Variants in TJP1 observed in about 807,000 individuals in gnomAD.
TJP1 encodes the protein tight junction protein ZO-1.
Under a neutral mutation model 194.2 loss-of-function variants are expected in TJP1, and 43 were observed. The ratio of observed to expected loss-of-function variants is 0.22; its 90% CI spans 0.17 to 0.29. TJP1 has a LOEUF of 0.29. Ranked by LOEUF, TJP1 falls within the 10% of genes least tolerant of loss-of-function variation. The pLI, the probability that TJP1 is intolerant of heterozygous loss-of-function variation, is 1.00. For synonymous variants in TJP1, 801 were observed against 779.0 expected (o/e 1.03, Z -0.47); for missense variants, 1,971 against 2,185.7 (o/e 0.90, Z 1.96).
At chr15:29,887,165 C>G (rs1371831670) in intron 2 of TJP1, among the ~76,000 whole-genome samples, 1 of 151,538 alleles carries the variant, frequency 6.6e-6, no homozygotes, top group Non-Finnish European at 1.5e-5. Context: ...ACAAGAGCCC[C>G]TCACCTGATT....
chr15:29,937,466 C>T (rs1278463956), intron 2 of TJP1, among the ~76,000 whole-genome samples: 1 of 152,116 alleles, frequency 6.6e-6, no homozygotes, highest in Non-Finnish European at 1.5e-5. Context: ...TATATTTTAT[C>T]TTCTGTAATG....
intron 2 of TJP1, among the ~76,000 whole-genome samples, chr15:29,878,474 A>G (rs2052795293): frequency 6.6e-6 from 1 of 152,206 alleles, no homozygotes; most frequent in Non-Finnish European, 1.5e-5. Context: ...AGCAGCTGAT[A>G]TATTCTCAAA....
intron 2 of TJP1, among the ~76,000 whole-genome samples, chr15:29,871,513 C>T (rs2052519957): frequency 1.3e-5 from 2 of 152,238 alleles, no homozygotes; most frequent in Admixed American, 6.5e-5. Context: ...AGCCTTGCTG[C>T]TGCCACCTGC....
intron 2 of TJP1, among the ~76,000 whole-genome samples, chr15:29,909,100 T>C (rs2053928594): frequency 1.4e-5 from 2 of 145,650 alleles, no homozygotes; most frequent in African/African-American, 5.2e-5. Context: ...GAGCTTGCAG[T>C]GAGCCAAGAT....
chr15:29,745,365 T>A (rs961921957), intron 8 of TJP1, among the ~76,000 whole-genome samples: 1 of 149,572 alleles, frequency 6.7e-6, no homozygotes, highest in Non-Finnish European at 1.5e-5. Flanking sequence ...ATTAAGATAA[T>A]TTTAATTACA....
At chr15:29,771,536 T>C (rs557575246) in intron 4 of TJP1, among the ~76,000 whole-genome samples, 7 of 152,296 alleles carry the variant, frequency 4.6e-5, no homozygotes, top group African/African-American at 1.4e-4. Flanking sequence ...CCGGGCGTGG[T>C]GGCTCATGCT....
Position 29,895,091 on chromosome 15 carries a change from G to A in TJP1, c.306+61141C>T, listed in dbSNP as rs146232585. On this transcript the variant is annotated intron_variant, in intron 2 of 28. Coordinates refer to the TJP1 transcript ENST00000356107. ...TGACAGTGGTAGCCCCAATAATCTC[G>A]AAAACGTCTTCAAAGTCATTCTTCC... Among the ~76,000 whole-genome samples the A allele has an allele frequency of 2.7e-3, 406 of 152,240 alleles. 1 individual carries two copies. Among genetic ancestry groups the A allele is most frequent in the Non-Finnish European group, 4.5e-3 (303 of 68,024 alleles).
intron 2 of TJP1, among the ~76,000 whole-genome samples, chr15:29,862,532 C>T (rs2052119347): frequency 6.6e-6 from 1 of 151,956 alleles, no homozygotes; most frequent in African/African-American, 2.4e-5. Context: ...GTGGCAAGAT[C>T]TTAAGTTGAG....
At chr15:29,948,993 C>T (rs1031132204) in intron 2 of TJP1, among the ~76,000 whole-genome samples, 1 of 150,496 alleles carries the variant, frequency 6.6e-6, no homozygotes, top group African/African-American at 2.5e-5. Flanking sequence ...CAACCTACTC[C>T]TTCACCACCA....
chr15:29,730,629 G>A, intron 15 of TJP1: 3 of 630,678 alleles, frequency 4.8e-6, no homozygotes, highest in Non-Finnish European at 8.8e-6. Flanking sequence ...GTGAAGAAGA[G>A]GCGAGAACGA....
At chr15:29,731,956 T>C (rs536423327) in intron 15 of TJP1, among the ~76,000 whole-genome samples, 1 of 152,326 alleles carries the variant, frequency 6.6e-6, no homozygotes, top group South Asian at 2.1e-4. Context: ...TTTATTACCC[T>C]TTTTAACTAT....
chr15:29,950,899 T>C (rs1281823409), intron 2 of TJP1, among the ~76,000 whole-genome samples: 3 of 152,168 alleles, frequency 2.0e-5, no homozygotes, highest in Admixed American at 1.3e-4. Context: ...TCCTTATCTG[T>C]AAAATGAGGC....
intron 2 of TJP1, among the ~76,000 whole-genome samples, chr15:29,830,520 G>A (rs1306002704): frequency 6.7e-6 from 1 of 150,306 alleles, no homozygotes; most frequent in African/African-American, 2.4e-5. Context: ...ATATATTAGT[G>A]TATAATAATG....
At chr15:29,887,250 G>GTA (rs540330893) in intron 2 of TJP1, among the ~76,000 whole-genome samples, 182 of 147,622 alleles carry the variant, frequency 1.2e-3, no homozygotes, top group African/African-American at 4.0e-3. Context: ...AAAATATATT[G>GTA]TATATATATA....
intron 2 of TJP1, among the ~76,000 whole-genome samples, chr15:29,922,550 G>C (rs571573442): frequency 6.6e-6 from 1 of 152,294 alleles, no homozygotes; most frequent in South Asian, 2.1e-4. Context: ...TAAAATTAAA[G>C]TAGAAAGAAA....
chr15:29,782,998 G>A (rs2047466957), intron 2 of TJP1, among the ~76,000 whole-genome samples: 1 of 152,008 alleles, frequency 6.6e-6, no homozygotes, highest in Non-Finnish European at 1.5e-5. Flanking sequence ...GAGCGGCCGG[G>A]CGTGGTGGCT....
intron 2 of TJP1, among the ~76,000 whole-genome samples, chr15:29,949,465 C>A (rs2050834663): frequency 1.6e-5 from 2 of 125,152 alleles, no homozygotes; most frequent in African/African-American, 3.2e-5. Flanking sequence ...CCACTTCCAC[C>A]ACCACCACCT....
In TJP1 at chr15:29,761,690, A is replaced by G. The variant is rs1193370200; in HGVS notation, c.773T>C (p.Met258Thr). The change falls in exon 7 of 28, where the codon ATG becomes ACG. Residue 258 changes from methionine to threonine, a missense_variant. Met to Thr is a moderately conservative substitution (Grantham distance 81). Coordinates refer to ENST00000614355, the MANE Select transcript of TJP1 (RefSeq NM_001330239.4). Reference sequence around the variant, plus strand: ...AGCCCGTTCATCTCTTTGAACTACCATTTTTAATTTGCCTTTAGACCTTTC... The same window carrying G: ...AGCCCGTTCATCTCTTTGAACTACCGTTTTTAATTTGCCTTTAGACCTTTC... ...LIERSKGKLK[M>T]VVQRDERATL... The G allele has an allele frequency of 6.2e-7, 1 of 1,609,794 alleles. No individual in the cohort carries two copies. The highest frequency in any genetic ancestry group is 1.3e-5 in the African/African-American group (1 of 74,898).
intron 1 of TJP1, among the ~76,000 whole-genome samples, chr15:29,804,345 G>A (rs543263411): frequency 6.6e-5 from 10 of 152,272 alleles, no homozygotes; most frequent in African/African-American, 1.9e-4. Flanking sequence ...ATAAAATGCT[G>A]AGGAAAAACT....
Sources: allele counts gnomAD v4.1 joint callset (sites outside exome capture counted in the v4.1 genomes callset), GRCh38; gene constraint gnomAD v4.1.1; transcripts MANE v1.5; gene names NCBI Gene and HGNC (gene_info 2026-07-23, HGNC 2026-07-21).